MAP2K3: variants seen among roughly 807,000 people sequenced by gnomAD.
MAP2K3 encodes the protein dual specificity mitogen-activated protein kinase kinase 3.
In MAP2K3, 30 loss-of-function variants were observed where a neutral mutation model predicts 46.4. The observed-to-expected ratio is 0.65, with a 90% CI of 0.48 to 0.88. MAP2K3 has a LOEUF of 0.88. Among genes scored for constraint, MAP2K3 ranks in the 40% least tolerant of loss-of-function variants. The probability of loss-of-function intolerance (pLI) is 0.00; values close to 1 mark genes in which losing one functional copy is unlikely to be tolerated. For synonymous variants in MAP2K3, 189 were observed against 176.3 expected, an observed-to-expected ratio of 1.07 and a Z score of -0.57; for missense variants, 380 against 464.5, an observed-to-expected ratio of 0.82 and a Z score of 1.67.
intron 1 of MAP2K3, chr17:21,288,056 G>A: frequency 7.8e-7 from 1 of 1,289,238 alleles, no homozygotes; most frequent in Non-Finnish European, 1.0e-6. Flanking sequence ...GTTGGCCCGT[G>A]TGAGGAGAAG....
intron 3 of MAP2K3, among the ~76,000 whole-genome samples, chr17:21,299,627 AGCCATGATCGTACCACT>A (rs893329061): frequency 6.6e-6 from 1 of 152,002 alleles, no homozygotes; most frequent in African/African-American, 2.4e-5. Context: ...TGTTGCAGTG[AGCCATGATCGTACCACT>A]GCCCTCCAGC....
chr17:21,314,549 C>T lies in MAP2K3; in HGVS notation c.*319C>T, dbSNP rs1189246697. 5.8e-6 allele frequency: 2 copies of T among 344,246 alleles called. No homozygotes were observed. The highest frequency in any genetic ancestry group is 1.1e-5 in the Non-Finnish European group (2 of 184,802). 21.3% of individuals were successfully genotyped at this position (344,246 alleles called of 1,614,324 possible). A position where few individuals can be genotyped will look rare whatever the true frequency, so the allele number is the denominator to read the frequency against. ...TGTGGATGCTGCTGCCCCTGCACAG[C>T]AGGCTGCCAGTGCCTGGGTGGATGG... On this transcript the variant is annotated 3_prime_UTR_variant, in exon 12 of 12. Coordinates refer to ENST00000342679, the MANE Select transcript of MAP2K3 (RefSeq NM_145109.3).
Position 21,300,992 on chromosome 17 carries a change from A to T in MAP2K3, c.398A>T (p.Glu133Val). The change falls in exon 5 of 12, where the codon GAG becomes GTG. Residue 133 changes from glutamate (E) to valine (V), a missense_variant and splice_region_variant. Glu to Val is a moderately radical substitution (Grantham distance 121). Around this residue, in one of 5 missense-constraint regions of MAP2K3, gnomAD observed 294 missense variants for 275.4 expected, o/e 1.07. Coordinates refer to ENST00000342679, the MANE Select transcript of MAP2K3 (RefSeq NM_145109.3). ...TVTFYGALFR[E>V]GDVWICMELM... ...ACCTTCTACGGGGCACTATTCAGAG[A>T]GGTGCGTCCTTGCATGATGCAGCTG... The T allele has an allele frequency of 6.2e-7, 1 of 1,614,152 alleles. No homozygotes were observed. Among genetic ancestry groups the T allele is most frequent in the African/African-American group, 1.3e-5 (1 of 75,088 alleles).
At chr17:21,298,785 C>T in intron 2 of MAP2K3, 93 bp from the exon 3 acceptor site, 3 of 1,589,236 alleles carry the variant, frequency 1.9e-6, no homozygotes, top group Non-Finnish European at 2.6e-6. Context: ...GGCACCTCGT[C>T]CCCACGCCAG....
intron 3 of MAP2K3, among the ~76,000 whole-genome samples, chr17:21,299,989 AT>A (rs1474815649): frequency 7.9e-5 from 12 of 152,414 alleles, no homozygotes; most frequent in African/African-American, 2.9e-4. Context: ...TCTAAAAAAA[AT>A]AAACCCCATT....
At chr17:21,303,845 C>T (rs1231008638) in intron 7 of MAP2K3, among the ~76,000 whole-genome samples, 2 of 152,312 alleles carry the variant, frequency 1.3e-5, no homozygotes, top group Admixed American at 6.5e-5. Flanking sequence ...CATCCCAGCC[C>T]CCCAGGTCAC....
chr17:21,295,721 G>A (rs1302108354), intron 1 of MAP2K3: 9 of 1,289,446 alleles, frequency 7.0e-6, no homozygotes, highest in East Asian at 5.5e-5. Context: ...GGCCTGCGAG[G>A]AGCGTGGTCC....
chr17:21,291,809 G>C, intron 1 of MAP2K3: 1 of 356,982 alleles, frequency 2.8e-6, no homozygotes, highest in South Asian at 2.1e-5. Context: ...TGGTGGGATA[G>C]TGACCTGCTC....
chr17:21,304,109 G>C (rs957347566), intron 7 of MAP2K3, among the ~76,000 whole-genome samples: 1 of 152,312 alleles, frequency 6.6e-6, no homozygotes, highest in East Asian at 1.9e-4. Context: ...TGGACCTCAT[G>C]TCTGGAGGGC....
chr17:21,298,502 C>T, intron 2 of MAP2K3, 23 bp downstream of exon 2: 1 of 1,614,306 alleles, frequency 6.2e-7, no homozygotes, highest in Non-Finnish European at 8.5e-7. Flanking sequence ...CAGTTTCTCC[C>T]TGGCTCACCC....
At chr17:21,285,589 C>T (rs553354758) in intron 1 of MAP2K3, among the ~76,000 whole-genome samples, 2 of 152,300 alleles carry the variant, frequency 1.3e-5, no homozygotes, top group South Asian at 4.1e-4. Context: ...CTGGCCTGCA[C>T]CCTGTCCTGC....
rs1437270992 is a variant in MAP2K3, at chr17:21,298,397, C to A, written c.50-16C>A. The A allele has an allele frequency of 6.2e-7, 1 of 1,614,080 alleles. No homozygotes were observed. The highest frequency in any genetic ancestry group is 8.5e-7 in the Non-Finnish European group (1 of 1,179,972). On this transcript the variant is annotated splice_polypyrimidine_tract_variant and intron_variant, in intron 1 of 11. Coordinates refer to ENST00000342679, the MANE Select transcript of MAP2K3 (RefSeq NM_145109.3). ...TCAAGGGATAGGCCAGACGCCTCACCTTCTCTCCATTCTAGGAAAATCCAA... is the reference window on the plus strand; with the variant it reads ...TCAAGGGATAGGCCAGACGCCTCACATTCTCTCCATTCTAGGAAAATCCAA...
intron 6 of MAP2K3, 112 bp from the exon 7 acceptor site, chr17:21,303,071 A>G: frequency 1.4e-6 from 2 of 1,387,704 alleles, no homozygotes; most frequent in South Asian, 1.3e-5. Context: ...TAGCCTGTGC[A>G]GCGGGAGCGG....
At chr17:21,289,524 A>G (rs1975823114) in intron 1 of MAP2K3, among the ~76,000 whole-genome samples, 1 of 152,162 alleles carries the variant, frequency 6.6e-6, no homozygotes, top group Non-Finnish European at 1.5e-5. Context: ...GGGCAGCAGC[A>G]TGGAGGACAC....
At chr17:21,285,001 C>G in intron 1 of MAP2K3, 32 bp downstream of exon 1, 2 of 1,598,370 alleles carry the variant, frequency 1.3e-6, no homozygotes, top group Non-Finnish European at 1.7e-6. Context: ...CTCGGCCTGA[C>G]CCCGCGCCTA....
At chr17:21,307,845 C>CTTTT (rs35690616) in intron 9 of MAP2K3, among the ~76,000 whole-genome samples, 25 of 104,764 alleles carry the variant, frequency 2.4e-4, no homozygotes, top group Non-Finnish European at 3.6e-4. Flanking sequence ...GCCCGGCTAT[C>CTTTT]TTTTTTTTTT....
chr17:21,302,073 G>T, intron 5 of MAP2K3, 70 bp from the exon 6 acceptor site: 1 of 1,474,804 alleles, frequency 6.8e-7, no homozygotes, highest in South Asian at 1.1e-5. Context: ...CTGGTGCTGG[G>T]GCAGGCAGTG....
intron 7 of MAP2K3, among the ~76,000 whole-genome samples, chr17:21,303,542 A>G (rs1976723531): frequency 6.6e-6 from 1 of 152,308 alleles, no homozygotes; most frequent in Non-Finnish European, 1.5e-5. Flanking sequence ...ACACCCATGC[A>G]ACCACCTCCC....
chr17:21,293,203 G>A (rs1416207468), intron 1 of MAP2K3, among the ~76,000 whole-genome samples: 37 of 152,356 alleles, frequency 2.4e-4, no homozygotes, highest in African/African-American at 8.9e-4. Context: ...GGTGAGGTCT[G>A]GCCATGGGAG....
Sources: gnomAD v4.1 joint callset for allele counts (sites outside exome capture counted in the v4.1 genomes callset) on GRCh38, gnomAD v4.1.1 for gene constraint, gnomAD v4.1.1 regional missense constraint, MANE v1.5 for transcripts, NCBI Gene and HGNC (gene_info 2026-07-23, HGNC 2026-07-21) for gene names.